The following PALB2 variants were observed in gnomAD, a reference collection of about 807,000 sequenced individuals.
The protein encoded by PALB2 is partner and localizer of BRCA2, also known as mutant partner and localizer of BRCA2.
Under a neutral mutation model 107.4 loss-of-function variants are expected in PALB2, and 82 were observed. The ratio of observed to expected loss-of-function variants is 0.76; its 90% CI spans 0.64 to 0.92. The LOEUF (loss-of-function observed/expected upper bound fraction) is 0.92. Among genes scored for constraint, PALB2 ranks in the 40% least tolerant of loss-of-function variants. PALB2 has a pLI of 0.00. For missense variants in PALB2, 1,374 were observed against 1,379.9 expected (o/e 1.00, Z 0.07); for synonymous variants, 489 against 496.8 (o/e 0.98, Z 0.21).
Position 23,614,003 on chromosome 16 carries a change from C to A in PALB2, c.3201+1G>T, listed in dbSNP as rs587776423. 6.2e-7 allele frequency: 1 copy of A among 1,609,178 alleles called. No individual in the cohort carries two copies. Among genetic ancestry groups the A allele is most frequent in the East Asian group, 2.2e-5 (1 of 44,850 alleles). On this transcript the variant is annotated splice_donor_variant, in intron 11 of 12. Coordinates refer to ENST00000261584, the MANE Select transcript of PALB2 (RefSeq NM_024675.4). LOFTEE classifies it high-confidence loss of function. The stretch of plus-strand genomic sequence containing the variant: ...AGTGGTCCCAGCCAGTCATTACTTA[C>A]CATTTCAGAATAGGCTTTGTGACAG...
chr16:23,627,493 C>CAAAA (rs749429582), intron 6 of PALB2, among the ~76,000 whole-genome samples: 11 of 54,700 alleles, frequency 2.0e-4, no homozygotes, highest in Non-Finnish European at 3.0e-4. Context: ...GACTCCGTCT[C>CAAAA]AAAAAAAAAA....
intron 10 of PALB2, among the ~76,000 whole-genome samples, chr16:23,616,534 T>C (rs533487141): frequency 2.0e-5 from 3 of 152,246 alleles, no homozygotes; most frequent in Admixed American, 6.5e-5. Flanking sequence ...GTAAAAAGGA[T>C]TGTACTGAAA....
intron 6 of PALB2, among the ~76,000 whole-genome samples, chr16:23,628,935 CCTAA>C (rs1966852752): frequency 6.6e-6 from 1 of 152,144 alleles, no homozygotes; most frequent in African/African-American, 2.4e-5. Flanking sequence ...TGCCCAGCTC[CCTAA>C]CTTAGATTTA....
chr16:23,617,651 G>C (rs867735175), intron 10 of PALB2: 1 of 152,184 alleles, frequency 6.6e-6, no homozygotes, highest in Non-Finnish European at 1.5e-5. Flanking sequence ...GGCTGAGGTG[G>C]GAGGACTGCT....
rs2142270916 is a variant in PALB2 at position 23,607,852 on chromosome 16, A to G, written c.3350+12T>C. 1.2e-6 allele frequency: 2 copies of G among 1,613,660 alleles called. No homozygotes were observed. Among genetic ancestry groups the G allele is most frequent in the Non-Finnish European group, 1.7e-6 (2 of 1,179,904 alleles). On this transcript the variant is annotated intron_variant, in intron 12 of 12. Transcript: ENST00000261584. Reference sequence around the variant, plus strand: ...ATGTCCCACCCATAGAGTAGCAGTTATGCACACTTGCCTGCCAGCCTGCCC... The same window carrying G: ...ATGTCCCACCCATAGAGTAGCAGTTGTGCACACTTGCCTGCCAGCCTGCCC...
At position 23,627,435 on chromosome 16, in the gene PALB2, C is replaced by T. The variant is rs367719095; in HGVS notation, c.2587-1038G>A. 9.6e-5 allele frequency among the ~76,000 whole-genome samples: 14 copies of T among 145,944 alleles called. No individual in the cohort carries two copies. The South Asian group carries it at 1.5e-3, about 16-fold the overall frequency. On this transcript the variant is annotated intron_variant, in intron 6 of 12. Transcript: ENST00000261584. ...CCGGGAAGCGGAGCTTGCAGTGAGC[C>T]GAGATTGCGCCACTGCAGTCCGCAG...
chr16:23,639,446 A>G lies in PALB2; in HGVS notation c.49-1317T>C, dbSNP rs549235778. ...AAGCAGGAGAATTGCTTGAACCCGG[A>G]GGCGGAGGTTGCAGTGGGCCTAGAT... On this transcript the variant is annotated intron_variant, in intron 1 of 12. Coordinates refer to ENST00000261584, the MANE Select transcript of PALB2 (RefSeq NM_024675.4). 2.9e-5 allele frequency among the ~76,000 whole-genome samples: 4 copies of G among 140,314 alleles called. No homozygotes were observed. In the South Asian group the frequency reaches 9.7e-4, roughly 34 times the overall value. The allele number at this position is 140,314 out of a possible 152,430, so 92.1% of individuals were successfully genotyped here.
At chr16:23,614,861 G>A (rs1243441311) in intron 10 of PALB2, among the ~76,000 whole-genome samples, 4 of 151,136 alleles carry the variant, frequency 2.6e-5, no homozygotes, top group Non-Finnish European at 5.9e-5. Context: ...CGTTTTAGCC[G>A]GGATGGTCTT....
intron 11 of PALB2, among the ~76,000 whole-genome samples, chr16:23,611,223 C>T (rs1380443183): frequency 6.6e-6 from 1 of 151,984 alleles, no homozygotes; most frequent in Admixed American, 6.6e-5. Context: ...TGGCTCACTG[C>T]AACCTCCACC....
At chr16:23,613,923 C>T in intron 11 of PALB2, 81 bp downstream of exon 11, 1 of 1,044,926 alleles carries the variant, frequency 9.6e-7, no homozygotes, top group Non-Finnish European at 1.5e-6. Flanking sequence ...AAGGTTTGTT[C>T]ATTACTGCTT....
chr16:23,616,989 T>C (rs1440590486), intron 10 of PALB2, among the ~76,000 whole-genome samples: 1 of 152,066 alleles, frequency 6.6e-6, no homozygotes, highest in Admixed American at 6.6e-5. Flanking sequence ...ATTTTTTGTA[T>C]TTTTAGTAGA....
rs144944814 is a variant in PALB2, at chr16:23,638,077, C to A, written c.101G>T (p.Arg34Leu). 8.1e-6 allele frequency: 13 copies of A among 1,613,720 alleles called. No individual in the cohort carries two copies. In the African/African-American group the frequency reaches 1.1e-4, roughly 13 times the overall value. The change falls in exon 2 of 13, where the codon CGC becomes CTC. Residue 34 changes from arginine (R) to leucine (L), a missense_variant. By Grantham distance (102) the Arg-to-Leu change is moderately radical. Transcript: ENST00000261584. The part of the protein sequence containing the change: ...LKREYSKTLA[R>L]LQRAQRAEKI... The stretch of plus-strand genomic sequence containing the variant: ...AGAATACGATTCACTTACCTGAAGG[C>A]GGGCTAGTGTCTTGCTGTATTCCCT...
chr16:23,640,494 ACT>A (rs796129402), intron 1 of PALB2: 7 of 217,254 alleles, frequency 3.2e-5, no homozygotes, highest in South Asian at 3.7e-4. Flanking sequence ...GCAGAGTGAG[ACT>A]CTGTCTCAAA....
chr16:23,628,070 A>G (rs1051453314), intron 6 of PALB2, among the ~76,000 whole-genome samples: 16 of 152,176 alleles, frequency 1.1e-4, no homozygotes, highest in African/African-American at 3.4e-4. Flanking sequence ...CTAAAAATAC[A>G]AAAATTAGCA....
intron 1 of PALB2, among the ~76,000 whole-genome samples, chr16:23,638,769 G>C (rs2142464979): frequency 6.6e-6 from 1 of 152,320 alleles, no homozygotes; most frequent in Non-Finnish European, 1.5e-5. Context: ...CTGGCCTACT[G>C]ACAGGGACTA....
chr16:23,635,514 GT>G lies in PALB2; in HGVS notation c.1031del (p.Asn344ThrfsTer2), dbSNP rs1485260432. The G allele has an allele frequency of 1.2e-6, 2 of 1,613,690 alleles. No homozygotes were observed. The highest frequency in any genetic ancestry group is 2.2e-5 in the East Asian group (1 of 44,894). On this transcript the variant is annotated frameshift_variant, in exon 4 of 13. Transcript: ENST00000261584. LOFTEE classifies it high-confidence loss of function. Reference protein sequence around the residue: ...YNNLPANENQNLKEQNQTEKS... With the variant: ...YNNLPANENQXLKEQNQTEKS... ...TCTCTGTTTGATTTTGTTCTTTTAA[GT>G]TTTGGTTTTCATTTGCTGGTAAGTT...
At chr16:23,624,398 A>G (rs1966832068) in intron 7 of PALB2, among the ~76,000 whole-genome samples, 1 of 152,262 alleles carries the variant, frequency 6.6e-6, no homozygotes, top group Admixed American at 6.5e-5. Context: ...AAGTATATCT[A>G]TGTTCACTGA....
In PALB2 at chr16:23,630,446, C is replaced by G. The variant is rs786203747; in HGVS notation, c.1708G>C (p.Glu570Gln). Residue 570 changes from glutamate to glutamine, a missense_variant, in exon 5 of 13, where the codon GAG (glutamate) becomes CAG (glutamine). By Grantham distance (29) the Glu-to-Gln change is conservative (BLOSUM62 2). Coordinates refer to ENST00000261584, the MANE Select transcript of PALB2 (RefSeq NM_024675.4). The stretch of plus-strand genomic sequence containing the variant: ...CTATTACTCCAAGAAAGGGAATCCT[C>G]TTTTTGATGACGACTTTTCTTCCCT... ...VKGKKSRHQK[E>Q]DSLSWSNSAY... 1 of 1,613,328 alleles carries G rather than the reference C, an allele frequency of 6.2e-7. No homozygotes were observed. Among genetic ancestry groups the G allele is most frequent in the Non-Finnish European group, 8.5e-7 (1 of 1,179,652 alleles).
In PALB2 at chr16:23,616,837, C is replaced by T. The variant is rs535743634; in HGVS notation, c.3114-2746G>A. On this transcript the variant is annotated intron_variant, in intron 10 of 12. Transcript: ENST00000261584. The stretch of plus-strand genomic sequence containing the variant: ...AAGAAATTTTTTTTTTTTTTTGAGA[C>T]GGAGTCTCATTGTCGCCCAGGCTGG... 1.8e-3 allele frequency among the ~76,000 whole-genome samples: 269 copies of T among 148,944 alleles called. 2 individuals carry two copies. The highest frequency in any genetic ancestry group is 9.7e-3 in the South Asian group (46 of 4,726).
Sources: allele counts gnomAD v4.1 joint callset (sites outside exome capture counted in the v4.1 genomes callset), GRCh38; gene constraint gnomAD v4.1.1; transcripts MANE v1.5; gene names NCBI Gene and HGNC (gene_info 2026-07-23, HGNC 2026-07-21).